PTPRG: variants seen among roughly 807,000 people sequenced by gnomAD.
PTPRG encodes the protein receptor-type tyrosine-protein phosphatase gamma.
In PTPRG, 102 loss-of-function variants were observed where a neutral mutation model predicts 165.3. The observed-to-expected ratio is 0.62, with a 90% CI of 0.53 to 0.73. PTPRG has a LOEUF of 0.73. Ranked by LOEUF, PTPRG falls within the 30% of genes least tolerant of loss-of-function variation. The pLI is 0.00. For synonymous variants in PTPRG, 675 were observed against 669.5 expected (o/e 1.01, Z -0.13); for missense variants, 1,866 against 1,861.4 (o/e 1.00, Z -0.05).
chr3:62,064,010 G>C (rs931479940), intron 4 of PTPRG, among the ~76,000 whole-genome samples: 3 of 152,126 alleles, frequency 2.0e-5, no homozygotes, highest in Admixed American at 2.0e-4. Context: ...TGATGAGGCT[G>C]GTCTTCTGAG....
intron 1 of PTPRG, among the ~76,000 whole-genome samples, chr3:61,571,393 C>A (rs1344374385): frequency 1.3e-5 from 2 of 152,084 alleles, no homozygotes; most frequent in Non-Finnish European, 2.9e-5. Flanking sequence ...ACAGGAGGGC[C>A]AATTGAAAGA....
chr3:61,564,480 C>T lies in PTPRG; in HGVS notation c.85+2108C>T, dbSNP rs74467825. ...GGGGCTTGGACCATTTTCGTCTTCT[C>T]ATTTTCTTTTCGCGCCCACGCTGCG... On this transcript the variant is annotated intron_variant, in intron 1 of 29. Transcript: ENST00000474889. 6.1e-3 allele frequency among the ~76,000 whole-genome samples: 932 copies of T among 152,244 alleles called. 8 individuals are homozygous for T. Among genetic ancestry groups the T allele is most frequent in the African/African-American group, 0.021 (893 of 41,540 alleles).
Position 62,269,134 on chromosome 3 carries a change from C to G in PTPRG, c.2974C>G (p.Arg992Gly), listed in dbSNP as rs772358512. 1 of 1,594,088 alleles carries G rather than the reference C, an allele frequency of 6.3e-7. No individual in the cohort carries two copies. The highest frequency in any genetic ancestry group is 8.6e-7 in the Non-Finnish European group (1 of 1,165,924). Residue 992 changes from arginine (R) to glycine (G), a missense_variant, in exon 20 of 30, where the codon CGT becomes GGT. Physicochemically the swap from Arg to Gly is moderately radical, Grantham distance 125. Around this residue, in one of 3 missense-constraint regions of PTPRG, gnomAD observed 1,452 missense variants for 1,463.0 expected, o/e 0.99. Transcript: ENST00000474889. Reference protein sequence around the residue: ...STKIHACYTVRRFSIRNTKVK... With the variant: ...STKIHACYTVGRFSIRNTKVK... The stretch of plus-strand genomic sequence containing the variant: ...AAAAATACATGCCTGCTACACTGTT[C>G]GTCGTTTTTCAATCAGAAATACAAA...
At chr3:62,159,836 C>G (rs569914405) in intron 7 of PTPRG, among the ~76,000 whole-genome samples, 2 of 152,334 alleles carry the variant, frequency 1.3e-5, no homozygotes, top group African/African-American at 4.8e-5. Flanking sequence ...GAAAACAGCT[C>G]ATATTCATGT....
At chr3:61,890,616 TC>T (rs1344272810) in intron 2 of PTPRG, among the ~76,000 whole-genome samples, 1 of 152,126 alleles carries the variant, frequency 6.6e-6, no homozygotes, top group Non-Finnish European at 1.5e-5. Flanking sequence ...CCATTTTTGT[TC>T]TAAACATGCA....
chr3:61,876,133 T>C (rs892807349), intron 2 of PTPRG, among the ~76,000 whole-genome samples: 2 of 152,200 alleles, frequency 1.3e-5, no homozygotes, highest in African/African-American at 2.4e-5. Context: ...ATGATTTCTG[T>C]AGTATTCTTG....
intron 1 of PTPRG, among the ~76,000 whole-genome samples, chr3:61,671,779 C>T (rs1344555101): frequency 1.4e-5 from 2 of 140,568 alleles, no homozygotes; most frequent in African/African-American, 2.7e-5. Context: ...CTGACCCCCC[C>T]ACCTCCCTCC....
intron 4 of PTPRG, among the ~76,000 whole-genome samples, chr3:62,061,289 T>C (rs1700801440): frequency 6.6e-6 from 1 of 152,218 alleles, no homozygotes; most frequent in South Asian, 2.1e-4. Context: ...TCAAGACAAA[T>C]TAGAAAAACA....
chr3:61,685,849 A>C (rs1703608068), intron 1 of PTPRG, among the ~76,000 whole-genome samples: 1 of 152,162 alleles, frequency 6.6e-6, no homozygotes, highest in Non-Finnish European at 1.5e-5. Context: ...GGCCTTTGTC[A>C]GTGTAATTGA....
chr3:61,688,537 G>T (rs1452115615), intron 1 of PTPRG, among the ~76,000 whole-genome samples: 2 of 152,204 alleles, frequency 1.3e-5, no homozygotes, highest in Non-Finnish European at 2.9e-5. Flanking sequence ...AAGGCTCTTC[G>T]CATTTTCCTC....
chr3:61,631,744 G>A (rs975983908), intron 1 of PTPRG, among the ~76,000 whole-genome samples: 5 of 152,172 alleles, frequency 3.3e-5, no homozygotes, highest in East Asian at 1.9e-4. Flanking sequence ...ATTGGGGAGA[G>A]TATTTCTGGA....
intron 1 of PTPRG, among the ~76,000 whole-genome samples, chr3:61,599,348 A>T (rs1026015203): frequency 1.3e-5 from 2 of 152,042 alleles, no homozygotes; most frequent in African/African-American, 2.4e-5. Flanking sequence ...GGATTTCACA[A>T]TGTTGGCCAG....
At chr3:61,943,388 C>T (rs886413511) in intron 2 of PTPRG, among the ~76,000 whole-genome samples, 4 of 152,054 alleles carry the variant, frequency 2.6e-5, no homozygotes, top group South Asian at 2.1e-4. Flanking sequence ...CAGGGGTGTT[C>T]GAGACCAGCC....
intron 1 of PTPRG, among the ~76,000 whole-genome samples, chr3:61,677,160 G>A (rs4688655): frequency 0.55 from 82,226 of 150,616 alleles, 23,897 homozygotes; most frequent in South Asian, 0.7. Context: ...CAGGAGAATC[G>A]CTTGAACCCA....
intron 1 of PTPRG, among the ~76,000 whole-genome samples, chr3:61,630,521 A>T (rs965718900): frequency 2.6e-5 from 4 of 151,054 alleles, no homozygotes; most frequent in Non-Finnish European, 4.4e-5. Context: ...TTCCTCTCTG[A>T]TCAGGGAAAA....
At chr3:62,165,226 T>TC (rs778647038) in intron 7 of PTPRG, among the ~76,000 whole-genome samples, 2 of 152,240 alleles carry the variant, frequency 1.3e-5, no homozygotes, top group African/African-American at 2.4e-5. Context: ...GGATTTTTTC[T>TC]CCATCTTTTT....
chr3:61,943,728 C>T (rs1325996337), intron 2 of PTPRG, among the ~76,000 whole-genome samples: 1 of 152,202 alleles, frequency 6.6e-6, no homozygotes, highest in African/African-American at 2.4e-5. Context: ...TTACTCTCTT[C>T]ATGGGGTACG....
intron 2 of PTPRG, among the ~76,000 whole-genome samples, chr3:61,858,107 A>G (rs147116066): frequency 0.012 from 1,788 of 152,322 alleles, 37 homozygotes; most frequent in African/African-American, 0.04. Flanking sequence ...TCTATGGCCC[A>G]TTTGTATTGT....
At chr3:62,270,560 A>G (rs77360779) in intron 20 of PTPRG, among the ~76,000 whole-genome samples, 1 of 152,174 alleles carries the variant, frequency 6.6e-6, no homozygotes, top group African/African-American at 2.4e-5. Flanking sequence ...GAAGAAGTCA[A>G]ATAGGAACTT....
Sources: allele counts gnomAD v4.1 joint callset (sites outside exome capture counted in the v4.1 genomes callset), GRCh38; gene constraint gnomAD v4.1.1; regional missense constraint gnomAD v4.1.1; transcripts MANE v1.5; gene names NCBI Gene and HGNC (gene_info 2026-07-23, HGNC 2026-07-21).